The following TNNI3K variants were observed in gnomAD, a reference collection of about 807,000 sequenced individuals.
TNNI3K encodes serine/threonine-protein kinase TNNI3K.
TNNI3K carries 140 observed loss-of-function variants against 114.5 expected under a neutral mutation model. That is an observed-to-expected ratio of 1.22 (90% CI 1.07 to 1.41). The LOEUF (loss-of-function observed/expected upper bound fraction) is 1.41. Among genes scored for constraint, TNNI3K ranks in the 40% most tolerant of loss-of-function variants. TNNI3K has a pLI of 0.00. For missense variants in TNNI3K, 1,125 were observed against 1,007.6 expected (o/e 1.12, Z -1.58); for synonymous variants, 347 against 347.5 (o/e 1.00, Z 0.02).
intron 4 of TNNI3K, among the ~76,000 whole-genome samples, chr1:74,260,527 T>C (rs1338974936): frequency 1.3e-5 from 2 of 152,178 alleles, no homozygotes; most frequent in Non-Finnish European, 2.9e-5. Context: ...GATAGAATTA[T>C]CTATTTTATT....
At chr1:74,236,246 T>C in intron 2 of TNNI3K, 36 bp downstream of exon 2, 1 of 1,556,686 alleles carries the variant, frequency 6.4e-7, no homozygotes, top group Non-Finnish European at 8.8e-7. Context: ...TTTGTATAAG[T>C]GTCTTCAGTA....
chr1:74,420,341 A>G (rs1665336415), intron 17 of TNNI3K, among the ~76,000 whole-genome samples: 1 of 152,142 alleles, frequency 6.6e-6, no homozygotes, highest in African/African-American at 2.4e-5. Context: ...GTTCAAAGAA[A>G]AGGAAGAAAA....
chr1:74,433,446 T>C (rs2100657682), intron 17 of TNNI3K, among the ~76,000 whole-genome samples: 1 of 152,208 alleles, frequency 6.6e-6, no homozygotes. Flanking sequence ...TGAAAGAATC[T>C]TAGAGATGGT....
At chr1:74,287,965 C>T (rs1657435710) in intron 5 of TNNI3K, among the ~76,000 whole-genome samples, 1 of 151,894 alleles carries the variant, frequency 6.6e-6, no homozygotes. Context: ...AAATACAAAT[C>T]GCCAAGAAGT....
At position 74,281,843 on chromosome 1, in the gene TNNI3K, C is replaced by T. The variant is rs569633994; in HGVS notation, c.444+10135C>T. 2.6e-5 allele frequency among the ~76,000 whole-genome samples: 4 copies of T among 152,182 alleles called. No individual in the cohort carries two copies. The South Asian group carries it at 8.3e-4, about 32-fold the overall frequency. On this transcript the variant is annotated intron_variant, in intron 5 of 24. Coordinates refer to ENST00000326637, the MANE Select transcript of TNNI3K (RefSeq NM_015978.3). ...GGTTTAGATGAGTCTTTTGGAACTT[C>T]CTGGTTTACAATTAAATTCCAATAT...
intron 21 of TNNI3K, chr1:74,480,647 T>C (rs1412249031): frequency 2.8e-6 from 2 of 717,136 alleles, no homozygotes; most frequent in Admixed American, 4.0e-5. Flanking sequence ...CCCATCCAGC[T>C]GGAGCCGGGT....
chr1:74,374,202 C>T (rs1361313040), intron 17 of TNNI3K: 1 of 151,708 alleles, frequency 6.6e-6, no homozygotes, highest in African/African-American at 2.4e-5. Context: ...GAAGTGAAAC[C>T]TATGGATTTA....
intron 20 of TNNI3K, among the ~76,000 whole-genome samples, chr1:74,462,492 G>C (rs1053385926): frequency 6.6e-6 from 1 of 152,182 alleles, no homozygotes; most frequent in Admixed American, 6.6e-5. Context: ...GTGCTAAAGA[G>C]AGCATGGATT....
At chr1:74,457,191 C>A (rs182673742) in intron 20 of TNNI3K, among the ~76,000 whole-genome samples, 13 of 152,196 alleles carry the variant, frequency 8.5e-5, no homozygotes, top group Non-Finnish European at 1.8e-4. Flanking sequence ...TAGAGCCAAC[C>A]AATCACCACG....
At position 74,512,467 on chromosome 1, in the gene TNNI3K, T is replaced by C. The variant is rs1670278084; in HGVS notation, c.2351+20201T>C. The C allele has an allele frequency of 2.0e-5, 3 of 152,010 alleles. No individual in the cohort carries two copies. The South Asian group carries it at 6.2e-4, about 32-fold the overall frequency. 9.4% of individuals were successfully genotyped at this position (152,010 alleles called of 1,614,324 possible). A position where few individuals can be genotyped will look rare whatever the true frequency, so the allele number is the denominator to read the frequency against. ...TCTTTAAATGGTGAGGAAAGAGAAATAAAGGTGTAAAAATCCAGCCATCAT... is the reference window on the plus strand; with the variant it reads ...TCTTTAAATGGTGAGGAAAGAGAAACAAAGGTGTAAAAATCCAGCCATCAT... On this transcript the variant is annotated intron_variant, in intron 23 of 24. Coordinates refer to ENST00000326637, the MANE Select transcript of TNNI3K (RefSeq NM_015978.3).
chr1:74,519,072 C>T, intron 23 of TNNI3K, among the ~76,000 whole-genome samples: 1 of 93,144 alleles, frequency 1.1e-5, no homozygotes, highest in Admixed American at 1.1e-4. Context: ...GTGATATTCC[C>T]CTTCCTGTGT....
rs550313367 is a variant in TNNI3K at position 74,522,025 on chromosome 1, C to A, written c.2352-18209C>A. 3.9e-5 allele frequency among the ~76,000 whole-genome samples: 6 copies of A among 152,252 alleles called. No individual in the cohort carries two copies. In the South Asian group the frequency reaches 1.0e-3, roughly 26 times the overall value. Reference sequence around the variant, plus strand: ...TCAGATGAGGGAGATATATCAACATCCCTTCCAGTGATAGATGACAGACAG... The same window carrying A: ...TCAGATGAGGGAGATATATCAACATACCTTCCAGTGATAGATGACAGACAG... On this transcript the variant is annotated intron_variant, in intron 23 of 24. Coordinates refer to ENST00000326637, the MANE Select transcript of TNNI3K (RefSeq NM_015978.3).
At chr1:74,414,455 G>A (rs930791363) in intron 17 of TNNI3K, among the ~76,000 whole-genome samples, 2 of 152,128 alleles carry the variant, frequency 1.3e-5, no homozygotes, top group Admixed American at 6.6e-5. Context: ...GTCAAGCAAC[G>A]GATGGAAAAT....
intron 21 of TNNI3K, chr1:74,471,992 C>G (rs545759786): frequency 1.6e-6 from 1 of 635,140 alleles, no homozygotes; most frequent in Non-Finnish European, 2.9e-6. Context: ...TTTTTTTGTA[C>G]GATCTTTTGT....
chr1:74,428,664 G>A (rs537088058), intron 17 of TNNI3K, among the ~76,000 whole-genome samples: 79 of 152,206 alleles, frequency 5.2e-4, no homozygotes, highest in African/African-American at 1.7e-3. Context: ...GCCTGAAGCA[G>A]GGGCTCATGC....
intron 21 of TNNI3K, among the ~76,000 whole-genome samples, chr1:74,466,756 T>C (rs543967621): frequency 6.6e-6 from 1 of 152,308 alleles, no homozygotes; most frequent in African/African-American, 2.4e-5. Flanking sequence ...CTTCATCATG[T>C]TAGCAAGCTG....
At chr1:74,502,471 T>C (rs1480860387) in intron 23 of TNNI3K, among the ~76,000 whole-genome samples, 1 of 152,220 alleles carries the variant, frequency 6.6e-6, no homozygotes, top group Non-Finnish European at 1.5e-5. Flanking sequence ...TAGTTCATAA[T>C]TTAATTTGGG....
intron 21 of TNNI3K, chr1:74,469,667 T>G: frequency 2.7e-6 from 1 of 375,676 alleles, no homozygotes; most frequent in East Asian, 3.8e-5. Context: ...GCATACTCAG[T>G]TAATTGTGTC....
At chr1:74,479,222 G>A (rs1303317240) in intron 21 of TNNI3K, among the ~76,000 whole-genome samples, 1 of 152,124 alleles carries the variant, frequency 6.6e-6, no homozygotes, top group Non-Finnish European at 1.5e-5. Flanking sequence ...TGCACTGAGA[G>A]CATAGAGGAA....
Sources: allele counts gnomAD v4.1 joint callset (sites outside exome capture counted in the v4.1 genomes callset), GRCh38; gene constraint gnomAD v4.1.1; transcripts MANE v1.5; gene names NCBI Gene and HGNC (gene_info 2026-07-23, HGNC 2026-07-21).